NT5DC3: variants seen among roughly 807,000 people sequenced by gnomAD.
NT5DC3 encodes the protein 5'-nucleotidase domain-containing protein 3.
In NT5DC3, 42 loss-of-function variants were observed where a neutral mutation model predicts 67.8. The observed-to-expected ratio is 0.62, with a 90% confidence interval of 0.48 to 0.80. NT5DC3 has a LOEUF of 0.80. NT5DC3 is among the 30% of genes least tolerant of loss of function. The pLI is 0.00. For synonymous variants in NT5DC3, 237 were observed against 255.6 expected, an observed-to-expected ratio of 0.93 and a Z score of 0.69; for missense variants, 570 against 696.4, an observed-to-expected ratio of 0.82 and a Z score of 2.04.
At chr12:103,780,082 G>A (rs530211662) in intron 13 of NT5DC3, among the ~76,000 whole-genome samples, 17 of 152,320 alleles carry the variant, frequency 1.1e-4, no homozygotes, top group Non-Finnish European at 1.5e-4. Flanking sequence ...TGGCAAGGGC[G>A]GAGGAATGAC....
At chr12:103,832,259 A>G (rs1233783612) in intron 1 of NT5DC3, among the ~76,000 whole-genome samples, 2 of 152,050 alleles carry the variant, frequency 1.3e-5, no homozygotes, top group African/African-American at 4.8e-5. Flanking sequence ...CTTGACGGTT[A>G]GAGGACATCT....
the NT5DC3 span, among the ~76,000 whole-genome samples, chr12:103,751,060 G>A: frequency 6.6e-6 from 1 of 152,230 alleles, no homozygotes; most frequent in Non-Finnish European, 1.5e-5. Context: ...ACCCAACGGA[G>A]GAAGCCAGAA....
the NT5DC3 span, among the ~76,000 whole-genome samples, chr12:103,749,409 C>T: frequency 3.9e-5 from 6 of 152,172 alleles, no homozygotes; most frequent in South Asian, 1.2e-3. Flanking sequence ...ACATTAATTT[C>T]TTAGCTCTGA....
intron 1 of NT5DC3, among the ~76,000 whole-genome samples, chr12:103,833,672 A>T (rs1218854660): frequency 6.6e-6 from 1 of 151,942 alleles, no homozygotes; most frequent in South Asian, 2.1e-4. Context: ...ACCCCAGCCA[A>T]GTAGTGAAAC....
intron 1 of NT5DC3, among the ~76,000 whole-genome samples, chr12:103,836,177 G>A (rs746708026): frequency 1.1e-4 from 16 of 151,982 alleles, no homozygotes; most frequent in African/African-American, 2.7e-4. Flanking sequence ...ACATCATTCC[G>A]CCCCTGGTCC....
chr12:103,815,828 G>T (rs1317095851), intron 1 of NT5DC3, among the ~76,000 whole-genome samples: 1 of 152,028 alleles, frequency 6.6e-6, no homozygotes, highest in Non-Finnish European at 1.5e-5. Context: ...AAGAACATTT[G>T]CTACCGAAAA....
rs79204019 is a variant in NT5DC3 at position 103,833,014 on chromosome 12, G to A, written c.208+7935C>T. Among the ~76,000 whole-genome samples, 186 of 152,172 alleles carry A rather than the reference G, an allele frequency of 1.2e-3. 3 individuals are homozygous for A. The East Asian group carries it at 0.028, about 23-fold the overall frequency. ...CTCCATTACTCTATATCCCTGCTGC[G>A]TAGAAAAAGCACATTTCTGGTTGTA... On this transcript the variant is annotated intron_variant, in intron 1 of 13. Transcript: ENST00000392876.
chr12:103,755,699 C>T, the NT5DC3 span: 1 of 1,614,014 alleles, frequency 6.2e-7, no homozygotes, highest in African/African-American at 1.3e-5. Flanking sequence ...TCCTTCCCCT[C>T]ACTCACAAAC....
intron 1 of NT5DC3, among the ~76,000 whole-genome samples, chr12:103,827,438 A>G (rs568838753): frequency 6.6e-6 from 1 of 152,318 alleles, no homozygotes; most frequent in African/African-American, 2.4e-5. Flanking sequence ...AAAGTGTATA[A>G]AAGAGTACTG....
chr12:103,767,507 C>T (rs1011222906), downstream of NT5DC3, among the ~76,000 whole-genome samples: 7 of 152,210 alleles, frequency 4.6e-5, no homozygotes, highest in Non-Finnish European at 7.4e-5. Context: ...TACTAAGAAA[C>T]ACGAAATTGT....
Position 103,776,164 on chromosome 12 carries a change from G to A in NT5DC3, c.*1665C>T, listed in dbSNP as rs1426085260. 3 of 152,236 alleles carry A rather than the reference G, an allele frequency of 2.0e-5. No homozygotes were observed. Among genetic ancestry groups the A allele is most frequent in the East Asian group, 3.9e-4 (2 of 5,182 alleles). 9.4% of individuals were successfully genotyped at this position (152,236 alleles called of 1,614,324 possible). Reference sequence around the variant, plus strand: ...AGCACTCAGAGAGTGCAGTAAATATGCACTTTACATTGAAGGATACTACAA... The same window carrying A: ...AGCACTCAGAGAGTGCAGTAAATATACACTTTACATTGAAGGATACTACAA... On this transcript the variant is annotated 3_prime_UTR_variant, in exon 14 of 14. Coordinates refer to ENST00000392876, the MANE Select transcript of NT5DC3 (RefSeq NM_001031701.3).
chr12:103,785,080 G>C (rs1885708105), intron 12 of NT5DC3, among the ~76,000 whole-genome samples: 1 of 152,196 alleles, frequency 6.6e-6, no homozygotes, highest in Non-Finnish European at 1.5e-5. Context: ...GCATCCCACA[G>C]GAGAGCTCCT....
chr12:103,825,973 A>G (rs1314600870), intron 1 of NT5DC3, among the ~76,000 whole-genome samples: 1 of 152,224 alleles, frequency 6.6e-6, no homozygotes, highest in Non-Finnish European at 1.5e-5. Context: ...TCATATGCAG[A>G]TGGGGAAAAT....
At chr12:103,820,301 T>C (rs1887438878) in intron 1 of NT5DC3, among the ~76,000 whole-genome samples, 2 of 152,198 alleles carry the variant, frequency 1.3e-5, no homozygotes, top group South Asian at 2.1e-4. Context: ...CTATTTTTCA[T>C]TGTTTTAGGA....
chr12:103,767,322 A>G (rs1566091233), downstream of NT5DC3, among the ~76,000 whole-genome samples: 3 of 152,336 alleles, frequency 2.0e-5, no homozygotes, highest in South Asian at 4.1e-4. Flanking sequence ...AAAGGACCAC[A>G]TATCATATGA....
rs1885847450 is a variant in NT5DC3 at position 103,787,581 on chromosome 12, C to T, written c.1102-54G>A. The T allele has an allele frequency of 4.0e-6, 4 of 991,258 alleles. No homozygotes were observed. In the African/African-American group the frequency reaches 4.9e-5, roughly 12 times the overall value. 61.4% of individuals were successfully genotyped at this position (991,258 alleles called of 1,614,324 possible). A position where few individuals can be genotyped will look rare whatever the true frequency, so the allele number is the denominator to read the frequency against. On this transcript the variant is annotated intron_variant, in intron 10 of 13. Transcript: ENST00000392876. ...TTATTACAGATAGAGATCTGTCTAA[C>T]CCACAGTACAAAATATAAAACTTTT...
rs184511647 is a variant in NT5DC3, at chr12:103,788,954, G to A, written c.1020-35C>T. 1.1e-5 allele frequency: 15 copies of A among 1,334,260 alleles called. No individual in the cohort carries two copies. The Admixed American group carries it at 1.3e-4, about 12-fold the overall frequency. 82.7% of individuals were successfully genotyped at this position (1,334,260 alleles called of 1,614,324 possible). ...GAAATGGGAAACATTATGACATGGA[G>A]TAGTACAGGCTGTCTGCTCTATGAA... On this transcript the variant is annotated intron_variant, in intron 9 of 13. Coordinates refer to ENST00000392876, the MANE Select transcript of NT5DC3 (RefSeq NM_001031701.3).
chr12:103,766,142 C>A, downstream of NT5DC3: 1 of 1,116,680 alleles, frequency 9.0e-7, no homozygotes, highest in Non-Finnish European at 1.3e-6. Flanking sequence ...CAACACAAGG[C>A]AGCAGCACAA....
intron 1 of NT5DC3, among the ~76,000 whole-genome samples, chr12:103,818,880 C>T (rs1368955175): frequency 1.3e-5 from 2 of 152,282 alleles, no homozygotes; most frequent in African/African-American, 2.4e-5. Context: ...TTTCTGAATA[C>T]GACCACGTGG....
Sources: allele counts gnomAD v4.1 joint callset (sites outside exome capture counted in the v4.1 genomes callset), GRCh38; gene constraint gnomAD v4.1.1; transcripts MANE v1.5; gene names NCBI Gene and HGNC (gene_info 2026-07-23, HGNC 2026-07-21).